HNRNPC: variants seen among roughly 807,000 people sequenced by gnomAD.
HNRNPC encodes the protein heterogeneous nuclear ribonucleoproteins C1/C2.
A neutral mutation model predicts 33.2 loss-of-function variants in HNRNPC; 3 were observed. The observed-to-expected ratio is 0.09, with a 90% CI of 0.04 to 0.23. The LOEUF (loss-of-function observed/expected upper bound fraction) is 0.23, where lower values mean the gene tolerates loss of function less well. Among genes scored for constraint, HNRNPC ranks in the 10% least tolerant of loss-of-function variants. The pLI is 1.00. For missense variants in HNRNPC, 143 were observed against 366.7 expected (o/e 0.39, Z 4.98); for synonymous variants, 121 against 126.7 (o/e 0.96, Z 0.30).
intron 1 of HNRNPC, among the ~76,000 whole-genome samples, chr14:21,267,216 G>C (rs1252000295): frequency 6.6e-6 from 1 of 151,280 alleles, no homozygotes. Flanking sequence ...ATTCAAATAG[G>C]TTTTAAAAAA....
chr14:21,229,532 A>G (rs1257348080), intron 5 of HNRNPC, among the ~76,000 whole-genome samples: 1 of 152,184 alleles, frequency 6.6e-6, no homozygotes, highest in Non-Finnish European at 1.5e-5. Context: ...CTGGCCTTCT[A>G]ATGACTACGT....
intron 2 of HNRNPC, among the ~76,000 whole-genome samples, chr14:21,253,506 T>C (rs1305682530): frequency 1.4e-5 from 2 of 146,228 alleles, no homozygotes; most frequent in East Asian, 4.0e-4. Flanking sequence ...AAGATGTGCA[T>C]GCACCTGAAA....
At chr14:21,230,694 G>GTAT in intron 4 of HNRNPC, 2 of 477,314 alleles carry the variant, frequency 4.2e-6, no homozygotes, top group South Asian at 7.6e-5. Flanking sequence ...TGTCTTAGAA[G>GTAT]CTCAACGATC....
intron 2 of HNRNPC, among the ~76,000 whole-genome samples, chr14:21,247,796 G>A (rs1896153285): frequency 7.1e-6 from 1 of 140,562 alleles, no homozygotes; most frequent in African/African-American, 2.7e-5. Flanking sequence ...CTAACATGGT[G>A]AAACCCCATC....
intron 2 of HNRNPC, among the ~76,000 whole-genome samples, chr14:21,260,960 CAAAAAAA>C (rs71112564): frequency 2.3e-5 from 2 of 88,518 alleles, no homozygotes; most frequent in African/African-American, 4.2e-5. Flanking sequence ...GAGACTGTCT[CAAAAAAA>C]AAAAAAAAAA....
chr14:21,226,327 GAAA>G (rs374686866), intron 5 of HNRNPC, among the ~76,000 whole-genome samples: 2,562 of 110,648 alleles, frequency 0.023, 49 homozygotes, highest in Middle Eastern at 0.11. Context: ...GTTTCCAAAA[GAAA>G]AAAAAAAAAA....
At chr14:21,255,197 A>G (rs1302120304) in intron 2 of HNRNPC, among the ~76,000 whole-genome samples, 1 of 152,332 alleles carries the variant, frequency 6.6e-6, no homozygotes, top group East Asian at 1.9e-4. Context: ...AAACTCCTAA[A>G]TGTTATTCAA....
Position 21,247,584 on chromosome 14 carries a change from T to C in HNRNPC, c.-36-13355A>G, listed in dbSNP as rs563931879. On this transcript the variant is annotated intron_variant, in intron 2 of 8. Coordinates refer to ENST00000553300, the MANE Select transcript of HNRNPC (RefSeq NM_004500.4). ...TTCATTTTTAGCACAACTGAGTATG[T>C]TTAAAAAAATAAATCAAAATTTTAG... 1.4e-4 allele frequency among the ~76,000 whole-genome samples: 21 copies of C among 152,240 alleles called. No homozygotes were observed. In the East Asian group the frequency reaches 4.1e-3, roughly 29 times the overall value.
rs1048262614 is a variant in HNRNPC at position 21,269,431 on chromosome 14, C to G, written c.-196G>C. On this transcript the variant is annotated 5_prime_UTR_variant, in exon 1 of 9. Coordinates refer to ENST00000553300, the MANE Select transcript of HNRNPC (RefSeq NM_004500.4). ...CTTCGTCTCTTCACAAAATGGCCCC[C>G]GAGTCTCCTCTGCCGCCGAGGCGAA... 1.9e-5 allele frequency: 3 copies of G among 154,878 alleles called. No individual in the cohort carries two copies. Among genetic ancestry groups the G allele is most frequent in the African/African-American group, 7.2e-5 (3 of 41,532 alleles). The allele number at this position is 154,878 out of a possible 1,614,324, so 9.6% of individuals were successfully genotyped here. A position where few individuals can be genotyped will look rare whatever the true frequency, so the allele number is the denominator to read the frequency against.
At chr14:21,253,362 T>A (rs1896873411) in intron 2 of HNRNPC, among the ~76,000 whole-genome samples, 2 of 145,598 alleles carry the variant, frequency 1.4e-5, no homozygotes, top group African/African-American at 5.1e-5. Flanking sequence ...TAGTCCCAGC[T>A]ACTCCAGAGG....
intron 5 of HNRNPC, among the ~76,000 whole-genome samples, chr14:21,222,213 CAT>C (rs1343480220): frequency 2.0e-5 from 3 of 152,252 alleles, no homozygotes; most frequent in Admixed American, 1.3e-4. Flanking sequence ...GAACCTTCCA[CAT>C]GACTGATGGG....
At chr14:21,235,858 G>A (rs1028822260) in intron 2 of HNRNPC, among the ~76,000 whole-genome samples, 1 of 152,044 alleles carries the variant, frequency 6.6e-6, no homozygotes, top group Non-Finnish European at 1.5e-5. Flanking sequence ...TTAATGAGAA[G>A]AAATTACCAG....
chr14:21,233,595 G>A (rs1894350609), intron 3 of HNRNPC, among the ~76,000 whole-genome samples: 1 of 152,132 alleles, frequency 6.6e-6, no homozygotes, highest in Non-Finnish European at 1.5e-5. Flanking sequence ...CGGCCCAACG[G>A]ATGGAGTGAA....
intron 2 of HNRNPC, among the ~76,000 whole-genome samples, chr14:21,244,455 T>C (rs1390683268): frequency 1.3e-5 from 2 of 152,224 alleles, no homozygotes; most frequent in African/African-American, 4.8e-5. Flanking sequence ...CCTCAAAAGA[T>C]GCTAAAAATT....
At chr14:21,231,153 G>C (rs1894065887) in intron 3 of HNRNPC, 81 bp from the exon 4 acceptor site, 1 of 1,397,874 alleles carries the variant, frequency 7.2e-7, no homozygotes, top group Non-Finnish European at 1.0e-6. Context: ...TTTTATTTTT[G>C]AGACATAGTT....
At chr14:21,265,447 G>C (rs1878816300) in intron 1 of HNRNPC, 1 of 151,432 alleles carries the variant, frequency 6.6e-6, no homozygotes, top group South Asian at 2.1e-4. Context: ...CTCCCAAGAT[G>C]TTATTTATGT....
At chr14:21,233,832 TA>T in intron 3 of HNRNPC, 120 bp downstream of exon 3, 1 of 1,238,520 alleles carries the variant, frequency 8.1e-7, no homozygotes. Flanking sequence ...TTTATTAGGC[TA>T]AACAGTCGCA....
intron 4 of HNRNPC, chr14:21,230,671 T>C (rs1894012385): frequency 4.1e-6 from 2 of 488,208 alleles, no homozygotes; most frequent in Non-Finnish European, 7.2e-6. Flanking sequence ...TTCTACCCTC[T>C]CTTACTCTCT....
At chr14:21,251,281 A>AAAAG (rs1566636178) in intron 2 of HNRNPC, among the ~76,000 whole-genome samples, 110 of 149,060 alleles carry the variant, frequency 7.4e-4, no homozygotes, top group Middle Eastern at 7.6e-3. Context: ...AAAAAAAAAA[A>AAAAG]AAAGACTTCA....
Sources: gnomAD v4.1 joint callset for allele counts (sites outside exome capture counted in the v4.1 genomes callset) on GRCh38, gnomAD v4.1.1 for gene constraint, MANE v1.5 for transcripts, NCBI Gene and HGNC (gene_info 2026-07-23, HGNC 2026-07-21) for gene names.